Variants in SEMA6D observed in about 807,000 individuals in gnomAD.
The protein encoded by SEMA6D is semaphorin-6D.
A neutral mutation model predicts 106.6 loss-of-function variants in SEMA6D; 35 were observed. That is an observed-to-expected ratio of 0.33 (90% CI 0.25 to 0.44). SEMA6D has a LOEUF of 0.44. Ranked by LOEUF, SEMA6D falls within the 20% of genes least tolerant of loss-of-function variation. The probability of loss-of-function intolerance (pLI) is 1.00; values close to 1 mark genes in which losing one functional copy is unlikely to be tolerated. For synonymous variants in SEMA6D, 499 were observed against 487.7 expected (o/e 1.02, Z -0.31); for missense variants, 1,185 against 1,345.9 (o/e 0.88, Z 1.87).
intron 1 of SEMA6D, among the ~76,000 whole-genome samples, chr15:47,727,827 A>G (rs1019396584): frequency 6.6e-6 from 1 of 152,224 alleles, no homozygotes; most frequent in Non-Finnish European, 1.5e-5. Flanking sequence ...GATAAGGGTA[A>G]TCAAACTTCA....
intron 1 of SEMA6D, among the ~76,000 whole-genome samples, chr15:47,392,755 G>T (rs908158399): frequency 6.6e-6 from 1 of 152,166 alleles, no homozygotes; most frequent in African/African-American, 2.4e-5. Flanking sequence ...GCAACAGCAA[G>T]AATGTAATAC....
upstream of SEMA6D, among the ~76,000 whole-genome samples, chr15:47,714,503 A>G (rs772481040): frequency 7.9e-5 from 12 of 152,234 alleles, no homozygotes; most frequent in Non-Finnish European, 1.5e-4. Context: ...ACAATTACAC[A>G]CACAGATTTT....
intron 3 of SEMA6D, among the ~76,000 whole-genome samples, chr15:47,521,670 T>C (rs1302119007): frequency 1.3e-5 from 2 of 152,176 alleles, no homozygotes; most frequent in African/African-American, 2.4e-5. Flanking sequence ...ATCCTTCCTT[T>C]AAACTAGGAA....
At chr15:47,717,903 T>C (rs2079185693) in intron 1 of SEMA6D, among the ~76,000 whole-genome samples, 1 of 140,248 alleles carries the variant, frequency 7.1e-6, no homozygotes, top group African/African-American at 2.5e-5. Flanking sequence ...TTGATTTATT[T>C]TCCAAGCTGC....
At chr15:47,460,063 GT>G (rs918411117) in intron 2 of SEMA6D, among the ~76,000 whole-genome samples, 1 of 151,876 alleles carries the variant, frequency 6.6e-6, no homozygotes. Flanking sequence ...TATTTTCTAG[GT>G]TTTATTAAGG....
chr15:47,557,180 A>G (rs2045939594), intron 3 of SEMA6D, among the ~76,000 whole-genome samples: 1 of 152,116 alleles, frequency 6.6e-6, no homozygotes, highest in Non-Finnish European at 1.5e-5. Flanking sequence ...GCCTAGGGGA[A>G]ACTCAACAGT....
rs1200526285 is a variant in SEMA6D, at chr15:47,772,840, C to G, written c.*1055C>G. On this transcript the variant is annotated 3_prime_UTR_variant, in exon 19 of 19. Coordinates refer to ENST00000536845, the MANE Select transcript of SEMA6D (RefSeq NM_001358351.3). ...TAGTAAAATTTCTCCTCCTTTAACT[C>G]CTCCTACCCCCCAAGGTAAGAAACA... 1 of 125,596 alleles carries G rather than the reference C, an allele frequency of 8.0e-6. No homozygotes were observed. Among genetic ancestry groups the G allele is most frequent in the Non-Finnish European group, 1.6e-5 (1 of 62,540 alleles). 7.8% of individuals were successfully genotyped at this position (125,596 alleles called of 1,614,324 possible).
rs2041516903 is a variant in SEMA6D, at chr15:47,431,358, A to T, written c.-159+18886A>T. On this transcript the variant is annotated intron_variant, in intron 2 of 19. Coordinates refer to the SEMA6D transcript ENST00000558014. ...ACACCTCAAAGCACAATTTGAGCAT[A>T]ACACTGTAGTTTAAACAGTTCCCTT... Among the ~76,000 whole-genome samples, 3 of 152,288 alleles carry T rather than the reference A, an allele frequency of 2.0e-5. No homozygotes were observed. The South Asian group carries it at 6.2e-4, about 32-fold the overall frequency.
At chr15:47,716,758 T>G (rs1276703025), upstream of SEMA6D, among the ~76,000 whole-genome samples, 1 of 152,152 alleles carries the variant, frequency 6.6e-6, no homozygotes, top group Non-Finnish European at 1.5e-5. Flanking sequence ...ATGAAACACT[T>G]GCCTGTAAAA....
At chr15:47,281,628 G>A (rs1285507598) in intron 1 of SEMA6D, among the ~76,000 whole-genome samples, 1 of 152,038 alleles carries the variant, frequency 6.6e-6, no homozygotes, top group Non-Finnish European at 1.5e-5. Context: ...TAGTCTCAAT[G>A]GTCTTTACAT....
At chr15:47,554,823 G>C (rs1325894303) in intron 3 of SEMA6D, among the ~76,000 whole-genome samples, 1 of 152,124 alleles carries the variant, frequency 6.6e-6, no homozygotes, top group Admixed American at 6.6e-5. Context: ...ACTGTGAGGA[G>C]GTGCTAAAGC....
intron 1 of SEMA6D, among the ~76,000 whole-genome samples, chr15:47,376,313 C>G (rs535051928): frequency 6.6e-6 from 1 of 152,290 alleles, no homozygotes; most frequent in East Asian, 1.9e-4. Flanking sequence ...TCATCTCAAC[C>G]TGCATTTGGA....
chr15:47,288,803 C>T (rs1394287022), intron 1 of SEMA6D, among the ~76,000 whole-genome samples: 1 of 152,190 alleles, frequency 6.6e-6, no homozygotes, highest in Admixed American at 6.5e-5. Context: ...ACCGTCCTTC[C>T]ACCTGTACAC....
intron 1 of SEMA6D, among the ~76,000 whole-genome samples, chr15:47,297,744 TA>T (rs2035861797): frequency 6.6e-6 from 1 of 152,134 alleles, no homozygotes; most frequent in Non-Finnish European, 1.5e-5. Context: ...GTAGAGTTAC[TA>T]AGAGTGTTAG....
intron 1 of SEMA6D, among the ~76,000 whole-genome samples, chr15:47,312,690 AAG>A (rs1275907728): frequency 6.6e-6 from 1 of 152,218 alleles, no homozygotes; most frequent in Non-Finnish European, 1.5e-5. Flanking sequence ...CTATATTAAA[AAG>A]ATAAATTAAA....
intron 1 of SEMA6D, among the ~76,000 whole-genome samples, chr15:47,378,729 A>G (rs972429978): frequency 3.3e-5 from 5 of 152,222 alleles, no homozygotes; most frequent in African/African-American, 1.2e-4. Context: ...CAGTTCTGCA[A>G]TCTGTGAAAT....
Position 47,771,148 on chromosome 15 carries a change from A to G in SEMA6D, c.2585A>G (p.Lys862Arg). The change falls in exon 19 of 19, where the codon AAG becomes AGG. Residue 862 changes from lysine (K) to arginine (R), a missense_variant. This residue lies in a region of SEMA6D where 750 missense variants were observed against 783.5 expected (regional missense o/e 0.96). Transcript: ENST00000536845. ...CAAAACATTGATCACCCTCTCACAA[A>G]GTCATCCAGTAAGAGAGATCACCGG... ...KLQNIDHPLT[K>R]SSSKRDHRRS... 1 of 1,614,096 alleles carries G rather than the reference A, an allele frequency of 6.2e-7. No individual in the cohort carries two copies. The highest frequency in any genetic ancestry group is 8.5e-7 in the Non-Finnish European group (1 of 1,179,990).
chr15:47,565,626 G>T (rs1165280482), intron 3 of SEMA6D, among the ~76,000 whole-genome samples: 1 of 152,224 alleles, frequency 6.6e-6, no homozygotes, highest in African/African-American at 2.4e-5. Flanking sequence ...CACAAGGGTT[G>T]TAGATAAGGG....
chr15:47,612,545 CT>C (rs1369355897), intron 4 of SEMA6D, among the ~76,000 whole-genome samples: 66 of 152,272 alleles, frequency 4.3e-4, no homozygotes, highest in African/African-American at 1.6e-3. Context: ...ATAGTTATTA[CT>C]TCTTTTCTCT....
Sources: gnomAD v4.1 joint callset for allele counts (sites outside exome capture counted in the v4.1 genomes callset) on GRCh38, gnomAD v4.1.1 for gene constraint, gnomAD v4.1.1 regional missense constraint, MANE v1.5 for transcripts, NCBI Gene and HGNC (gene_info 2026-07-23, HGNC 2026-07-21) for gene names.